RPS6KC1: variants seen among roughly 807,000 people sequenced by gnomAD.
RPS6KC1 encodes the protein ribosomal protein S6 kinase C1, also known as inactive ribosomal protein S6 kinase delta-1.
A neutral mutation model predicts 103.8 loss-of-function variants in RPS6KC1; 54 were observed. That is an observed-to-expected ratio of 0.52 (90% confidence interval 0.42 to 0.65). RPS6KC1 has a LOEUF of 0.65. Ranked by LOEUF, RPS6KC1 falls within the 30% of genes least tolerant of loss-of-function variation. RPS6KC1 has a pLI of 0.00. For missense variants in RPS6KC1, 1,151 were observed against 1,253.8 expected (o/e 0.92, Z 1.24); for synonymous variants, 439 against 438.7 (o/e 1.00, Z -0.01).
intron 1 of RPS6KC1, among the ~76,000 whole-genome samples, chr1:213,057,991 C>T (rs2077489231): frequency 6.7e-6 from 1 of 150,004 alleles, no homozygotes; most frequent in African/African-American, 2.4e-5. Flanking sequence ...TGGTCTCAAA[C>T]TCCTGGTCTC....
At chr1:213,074,576 A>T (rs558968071) in intron 2 of RPS6KC1, among the ~76,000 whole-genome samples, 1 of 152,144 alleles carries the variant, frequency 6.6e-6, no homozygotes, top group Non-Finnish European at 1.5e-5. Context: ...AGTAAGAAGA[A>T]AAGGAGGCAG....
At chr1:213,530,730 G>A in the RPS6KC1 span, among the ~76,000 whole-genome samples, 148 of 152,330 alleles carry the variant, frequency 9.7e-4, 1 homozygote, top group African/African-American at 3.5e-3. Flanking sequence ...TTAACGTCAT[G>A]TTTCCCCAGA....
chr1:213,236,707 G>T lies in RPS6KC1; in HGVS notation c.1226-3995G>T, dbSNP rs901648771. ...ATACTTGGTATTTAGAAGGTGCTCA[G>T]TGTATAATTGTTGAATACTGGGTCA... On this transcript the variant is annotated intron_variant, in intron 10 of 14. Coordinates refer to ENST00000366960, the MANE Select transcript of RPS6KC1 (RefSeq NM_012424.6). Among the ~76,000 whole-genome samples, 3 of 152,100 alleles carry T rather than the reference G, an allele frequency of 2.0e-5. No individual in the cohort carries two copies. The South Asian group carries it at 6.2e-4, about 32-fold the overall frequency.
the RPS6KC1 span, among the ~76,000 whole-genome samples, chr1:213,682,525 C>T: frequency 6.6e-6 from 1 of 152,128 alleles, no homozygotes; most frequent in South Asian, 2.1e-4. Context: ...TGAAAACTGT[C>T]AAAGATAGAT....
chr1:213,706,077 C>T, the RPS6KC1 span, among the ~76,000 whole-genome samples: 4 of 152,274 alleles, frequency 2.6e-5, no homozygotes, highest in African/African-American at 9.6e-5. Context: ...CAAGCACTTC[C>T]TTAGCCTTCC....
At chr1:213,073,560 G>A (rs1389364386) in intron 2 of RPS6KC1, among the ~76,000 whole-genome samples, 2 of 151,984 alleles carry the variant, frequency 1.3e-5, no homozygotes, top group African/African-American at 4.8e-5. Context: ...ATATTTCACT[G>A]GTGAAATTTG....
the RPS6KC1 span, among the ~76,000 whole-genome samples, chr1:213,699,176 C>G: frequency 5.6e-4 from 85 of 151,710 alleles, no homozygotes; most frequent in African/African-American, 2.0e-3. Context: ...TTTTTTGTAC[C>G]CATTAACCAT....
At chr1:213,696,127 T>C in the RPS6KC1 span, among the ~76,000 whole-genome samples, 1 of 152,204 alleles carries the variant, frequency 6.6e-6, no homozygotes, top group Admixed American at 6.5e-5. Flanking sequence ...CAACAACCTA[T>C]AGTTGTTGAC....
the RPS6KC1 span, among the ~76,000 whole-genome samples, chr1:213,399,107 A>G: frequency 2.0e-5 from 3 of 152,246 alleles, no homozygotes; most frequent in East Asian, 1.9e-4. Context: ...ATCAAGGGAA[A>G]GGCTTCACTT....
chr1:213,156,870 GAATT>G (rs1229850251), intron 6 of RPS6KC1, among the ~76,000 whole-genome samples: 1 of 151,946 alleles, frequency 6.6e-6, no homozygotes, highest in African/African-American at 2.4e-5. Context: ...TCTTTTTGAA[GAATT>G]AATTTTTTAA....
chr1:213,718,246 A>G, the RPS6KC1 span, among the ~76,000 whole-genome samples: 2 of 152,262 alleles, frequency 1.3e-5, no homozygotes, highest in African/African-American at 4.8e-5. Context: ...GCAGAAAGGT[A>G]GAACTGCTTT....
chr1:213,512,398 A>C, the RPS6KC1 span, among the ~76,000 whole-genome samples: 2 of 152,142 alleles, frequency 1.3e-5, no homozygotes, highest in Non-Finnish European at 2.9e-5. Context: ...TTCTTGCCCC[A>C]ATTTGGGGTC....
the RPS6KC1 span, among the ~76,000 whole-genome samples, chr1:213,513,062 C>T: frequency 6.6e-6 from 1 of 152,192 alleles, no homozygotes; most frequent in African/African-American, 2.4e-5. Flanking sequence ...CTGGTCTGAA[C>T]TATCCTGGTG....
chr1:213,086,906 A>G (rs1032645094), intron 3 of RPS6KC1, among the ~76,000 whole-genome samples: 1 of 152,078 alleles, frequency 6.6e-6, no homozygotes, highest in East Asian at 1.9e-4. Flanking sequence ...ACAAAATTTT[A>G]TATGTTCAAT....
chr1:213,532,480 A>G, the RPS6KC1 span, among the ~76,000 whole-genome samples: 1 of 152,228 alleles, frequency 6.6e-6, no homozygotes. Context: ...TTGGGAAATC[A>G]GGGAACAACA....
At chr1:213,321,649 G>C in the RPS6KC1 span, among the ~76,000 whole-genome samples, 1 of 152,142 alleles carries the variant, frequency 6.6e-6, no homozygotes, top group South Asian at 2.1e-4. Context: ...CAAAAATCCT[G>C]GTCCTAATGA....
the RPS6KC1 span, among the ~76,000 whole-genome samples, chr1:213,612,183 G>A: frequency 6.6e-6 from 1 of 152,202 alleles, no homozygotes; most frequent in African/African-American, 2.4e-5. Context: ...TCTCTGGGTG[G>A]TGGAGCCCAG....
chr1:213,395,898 G>C, the RPS6KC1 span, among the ~76,000 whole-genome samples: 2 of 152,204 alleles, frequency 1.3e-5, no homozygotes, highest in Non-Finnish European at 2.9e-5. Context: ...GCAGTGCGAA[G>C]AATCCATTTA....
the RPS6KC1 span, among the ~76,000 whole-genome samples, chr1:213,724,728 A>AG: frequency 6.6e-6 from 1 of 152,096 alleles, no homozygotes; most frequent in South Asian, 2.1e-4. Flanking sequence ...ACAGCAAGAC[A>AG]CCATCTCTAA....
Sources: gnomAD v4.1 joint callset for allele counts (sites outside exome capture counted in the v4.1 genomes callset) on GRCh38, gnomAD v4.1.1 for gene constraint, MANE v1.5 for transcripts, NCBI Gene and HGNC (gene_info 2026-07-23, HGNC 2026-07-21) for gene names.